LSAMP: variants seen among roughly 807,000 people sequenced by gnomAD.
LSAMP encodes limbic system associated membrane protein.
In LSAMP, 7 loss-of-function variants were observed where a neutral mutation model predicts 38.6. The ratio of observed to expected loss-of-function variants is 0.18; its 90% confidence interval spans 0.10 to 0.34. The LOEUF is 0.34. LSAMP is among the 10% of genes least tolerant of loss of function. LSAMP has a pLI of 1.00. For missense variants in LSAMP, 313 were observed against 420.0 expected (o/e 0.75, Z 2.23); for synonymous variants, 154 against 166.8 (o/e 0.92, Z 0.59).
chr3:116,201,775 G>A (rs558749508), intron 1 of LSAMP, among the ~76,000 whole-genome samples: 12 of 152,232 alleles, frequency 7.9e-5, no homozygotes, highest in Non-Finnish European at 1.6e-4. Context: ...CACCTTGACT[G>A]GACCTAACTG....
chr3:116,033,611 G>A (rs1940979426), intron 2 of LSAMP, among the ~76,000 whole-genome samples: 1 of 152,138 alleles, frequency 6.6e-6, no homozygotes, highest in Non-Finnish European at 1.5e-5. Context: ...TCCGTAACAT[G>A]CTGCGGGGCC....
At chr3:115,962,651 T>A (rs1559898734) in intron 3 of LSAMP, among the ~76,000 whole-genome samples, 1 of 152,224 alleles carries the variant, frequency 6.6e-6, no homozygotes, top group Non-Finnish European at 1.5e-5. Flanking sequence ...ATACATAAGC[T>A]GTTTATTCAC....
chr3:116,049,474 A>C (rs753399045), intron 2 of LSAMP, among the ~76,000 whole-genome samples: 40 of 152,184 alleles, frequency 2.6e-4, no homozygotes, highest in Non-Finnish European at 5.6e-4. Context: ...AATGTCACCC[A>C]ACAAAAGATA....
chr3:116,186,087 G>A (rs186289680), intron 1 of LSAMP, among the ~76,000 whole-genome samples: 1 of 152,160 alleles, frequency 6.6e-6, no homozygotes, highest in Admixed American at 6.5e-5. Context: ...TGAAGGACAT[G>A]TGACAGCATC....
At chr3:116,432,848 A>T (rs1196727431) in intron 1 of LSAMP, among the ~76,000 whole-genome samples, 1 of 152,082 alleles carries the variant, frequency 6.6e-6, no homozygotes, top group East Asian at 1.9e-4. Context: ...TGTGGTGATG[A>T]TCAGTGCATC....
In LSAMP at chr3:116,145,351, T is replaced by C. The variant is rs545612120; in HGVS notation, c.156-58795A>G. Among the ~76,000 whole-genome samples, 7 of 151,814 alleles carry C rather than the reference T, an allele frequency of 4.6e-5. 1 individual carries two copies. The South Asian group carries it at 1.5e-3, about 32-fold the overall frequency. ...ATATGGAAAGAGAGAGAGAGAGAGA[T>C]TGATTTTAAATATTGACCCACACCA... is the stretch of plus-strand genomic sequence containing the variant. On this transcript the variant is annotated intron_variant, in intron 1 of 6. Coordinates refer to ENST00000490035, the MANE Select transcript of LSAMP (RefSeq NM_002338.5).
At chr3:116,023,901 A>T (rs1940709730) in intron 2 of LSAMP, among the ~76,000 whole-genome samples, 1 of 151,788 alleles carries the variant, frequency 6.6e-6, no homozygotes, top group African/African-American at 2.4e-5. Context: ...CTCTCCTCAC[A>T]CTCTGGCATT....
At chr3:115,812,496 T>C (rs563583404) in intron 6 of LSAMP, among the ~76,000 whole-genome samples, 8 of 152,286 alleles carry the variant, frequency 5.3e-5, no homozygotes, top group Admixed American at 4.6e-4. Flanking sequence ...CCACCCTTTT[T>C]GGACTTTTGG....
Position 116,444,802 on chromosome 3 carries a change from ACACACACAAACACACAC to A in LSAMP, c.155+58_155+74del. ...AAGGAGATCAGACACACACACACAC[ACACACACAAACACACAC>A]ACACACACACACACACGTGTAGACG... On this transcript the variant is annotated intron_variant, in intron 1 of 6. Transcript: ENST00000490035. 9.2e-6 allele frequency: 14 copies of A among 1,516,058 alleles called. No homozygotes were observed. The East Asian group carries it at 3.1e-4, about 33-fold the overall frequency. 93.9% of individuals were successfully genotyped at this position (1,516,058 alleles called of 1,614,324 possible).
intron 1 of LSAMP, among the ~76,000 whole-genome samples, chr3:116,229,641 T>C (rs1251975892): frequency 1.3e-5 from 2 of 152,060 alleles, no homozygotes; most frequent in African/African-American, 2.4e-5. Context: ...AAAATAAAAA[T>C]AGAACTCTAA....
intron 1 of LSAMP, among the ~76,000 whole-genome samples, chr3:116,146,712 A>G (rs1395191416): frequency 1.3e-5 from 2 of 151,912 alleles, no homozygotes; most frequent in African/African-American, 4.8e-5. Context: ...TAGGATAATG[A>G]GGTGATTATC....
chr3:116,172,236 T>A (rs978115703), intron 1 of LSAMP, among the ~76,000 whole-genome samples: 7 of 151,986 alleles, frequency 4.6e-5, no homozygotes, highest in African/African-American at 1.7e-4. Context: ...GATAATAGTT[T>A]ATATGTAGTT....
intron 3 of LSAMP, among the ~76,000 whole-genome samples, chr3:115,871,758 T>A (rs2107397947): frequency 6.6e-6 from 1 of 152,110 alleles, no homozygotes; most frequent in South Asian, 2.1e-4. Flanking sequence ...TTTGTAAGAC[T>A]CTAGGAAGAA....
At chr3:116,038,880 T>C (rs1441597071) in intron 2 of LSAMP, among the ~76,000 whole-genome samples, 2 of 152,214 alleles carry the variant, frequency 1.3e-5, no homozygotes, top group East Asian at 1.9e-4. Flanking sequence ...CACAATTGAA[T>C]AATGTTTCTT....
Position 115,827,963 on chromosome 3 carries a change from A to G in LSAMP, c.919+13882T>C, listed in dbSNP as rs189796239. On this transcript the variant is annotated intron_variant, in intron 6 of 6. Transcript: ENST00000490035. ...TAATACCTACAAATAACTTGTGATG[A>G]TGAAAGAATATCATGAGGCTGCAAT... Among the ~76,000 whole-genome samples, 5 of 152,316 alleles carry G rather than the reference A, an allele frequency of 3.3e-5. No individual in the cohort carries two copies. The East Asian group carries it at 9.6e-4, about 29-fold the overall frequency.
At chr3:116,018,029 C>T (rs1940534320) in intron 3 of LSAMP, among the ~76,000 whole-genome samples, 1 of 152,046 alleles carries the variant, frequency 6.6e-6, no homozygotes, top group South Asian at 2.1e-4. Flanking sequence ...GATATAATAT[C>T]TACGTTCATA....
intron 3 of LSAMP, among the ~76,000 whole-genome samples, chr3:115,854,427 C>T (rs11922344): frequency 0.073 from 11,059 of 150,622 alleles, 1,329 homozygotes; most frequent in African/African-American, 0.25. Flanking sequence ...GGACTACAGG[C>T]GCCCGCCACT....
chr3:116,257,181 G>A (rs1466921096), intron 1 of LSAMP, among the ~76,000 whole-genome samples: 1 of 152,116 alleles, frequency 6.6e-6, no homozygotes, highest in Non-Finnish European at 1.5e-5. Flanking sequence ...CTTTTAGCAG[G>A]GACCCAAGCG....
At chr3:115,913,753 C>T (rs1937184136) in intron 3 of LSAMP, among the ~76,000 whole-genome samples, 1 of 151,974 alleles carries the variant, frequency 6.6e-6, no homozygotes, top group South Asian at 2.1e-4. Flanking sequence ...TGTGACAAAA[C>T]CTGAGTTTTC....
Sources: allele counts gnomAD v4.1 joint callset (sites outside exome capture counted in the v4.1 genomes callset), GRCh38; gene constraint gnomAD v4.1.1; transcripts MANE v1.5; gene names NCBI Gene and HGNC (gene_info 2026-07-23, HGNC 2026-07-21).